The following PDLIM3 variants were observed in gnomAD, a reference collection of about 807,000 sequenced individuals.
The protein encoded by PDLIM3 is PDZ and LIM domain protein 3.
PDLIM3 carries 36 observed loss-of-function variants against 37.3 expected under a neutral mutation model. The observed-to-expected ratio is 0.97, with a 90% CI of 0.74 to 1.28. The LOEUF (loss-of-function observed/expected upper bound fraction) is 1.28, where lower values mean the gene tolerates loss of function less well. PDLIM3 is among the 50% of genes most tolerant of loss of function. The pLI is 0.00. For synonymous variants in PDLIM3, 174 were observed against 182.4 expected (o/e 0.95, Z 0.37); for missense variants, 454 against 485.0 (o/e 0.94, Z 0.60).
rs1225967138 is a variant in PDLIM3 at position 185,506,516 on chromosome 4, G to A, written c.793+6C>T. The A allele has an allele frequency of 6.2e-7, 1 of 1,613,480 alleles. No homozygotes were observed. The highest frequency in any genetic ancestry group is 2.2e-5 in the East Asian group (1 of 44,888). On this transcript the variant is annotated splice_donor_region_variant and intron_variant, in intron 6 of 7. Coordinates refer to ENST00000284767, the MANE Select transcript of PDLIM3 (RefSeq NM_014476.6). ...TACGTTTCAGCAGGTGTCAGCGGCT[G>A]CTCACCAGAGCCATCGTCCACCATT...
At position 185,501,960 on chromosome 4, in the gene PDLIM3, T is replaced by TA. The variant is rs2095687688; in HGVS notation, c.*333dup. 1 of 367,682 alleles carries TA rather than the reference T, an allele frequency of 2.7e-6. No individual in the cohort carries two copies. The highest frequency in any genetic ancestry group is 4.1e-5 in the Admixed American group (1 of 24,496). The allele number at this position is 367,682 out of a possible 1,614,324, so 22.8% of individuals were successfully genotyped here. On this transcript the variant is annotated 3_prime_UTR_variant, in exon 8 of 8. Coordinates refer to ENST00000284767, the MANE Select transcript of PDLIM3 (RefSeq NM_014476.6). ...AATCAACTTGTCAAGGAAAGACAATTAGAGTCCTTCAAATATCTTGATGTT... is the reference window on the plus strand; with the variant it reads ...AATCAACTTGTCAAGGAAAGACAATTAAGAGTCCTTCAAATATCTTGATGTT...
In PDLIM3 at chr4:185,504,355, C is replaced by T; in HGVS notation, c.905+120G>A. 1 of 778,508 alleles carries T rather than the reference C, an allele frequency of 1.3e-6. No homozygotes were observed. The highest frequency in any genetic ancestry group is 2.2e-6 in the Non-Finnish European group (1 of 455,234). The allele number at this position is 778,508 out of a possible 1,614,324, so 48.2% of individuals were successfully genotyped here. A position where few individuals can be genotyped will look rare whatever the true frequency, so the allele number is the denominator to read the frequency against. ...GCTAAATGTTGGGGACCTTACGTTTCAAGTTGATGAATAGAAATTTGGTTT... is the reference window on the plus strand; with the variant it reads ...GCTAAATGTTGGGGACCTTACGTTTTAAGTTGATGAATAGAAATTTGGTTT... On this transcript the variant is annotated intron_variant, in intron 7 of 7. Transcript: ENST00000284767. This position sits in a 1 kb window ranked among gnomAD's most constrained non-coding sequence, Gnocchi z 4.7.
intron 7 of PDLIM3, 74 bp from the exon 8 acceptor site, chr4:185,502,557 A>G: frequency 7.5e-7 from 1 of 1,340,328 alleles, no homozygotes; most frequent in Non-Finnish European, 1.1e-6. Flanking sequence ...AGAACCCAAC[A>G]GAGAAGGCAG....
intron 2 of PDLIM3, among the ~76,000 whole-genome samples, chr4:185,523,810 G>A (rs1455134851): frequency 6.6e-6 from 1 of 151,708 alleles, no homozygotes; most frequent in African/African-American, 2.4e-5. Flanking sequence ...GTAGAGACGG[G>A]GTTTCACCAG....
Position 185,504,147 on chromosome 4 carries a change from A to G in PDLIM3, c.905+328T>C, listed in dbSNP as rs6835288. 0.018 allele frequency among the ~76,000 whole-genome samples: 2,810 copies of G among 152,260 alleles called. 91 individuals are homozygous for G. Among genetic ancestry groups the G allele is most frequent in the African/African-American group, 0.064 (2,647 of 41,524 alleles). ...CAGTTCATGTATGCATTTACTAAAC[A>G]CTATACGTTAACAGGGGTGGGGGAG... On this transcript the variant is annotated intron_variant, in intron 7 of 7. Transcript: ENST00000284767. This position sits in a 1 kb window ranked among gnomAD's most constrained non-coding sequence, Gnocchi z 4.7.
At chr4:185,515,040 T>G (rs2095712880) in intron 3 of PDLIM3, 2 of 583,478 alleles carry the variant, frequency 3.4e-6, no homozygotes, top group East Asian at 5.8e-5. Context: ...CCATAAACTT[T>G]TCCATGGTTT....
chr4:185,505,034 C>T lies in PDLIM3; in HGVS notation c.794-448G>A, dbSNP rs537988766. Reference sequence around the variant, plus strand: ...CCCCACCCATGAAACAGTAACTCCCCGTGCTCCTGCTCATAGCCCCTGGTA... The same window carrying T: ...CCCCACCCATGAAACAGTAACTCCCTGTGCTCCTGCTCATAGCCCCTGGTA... On this transcript the variant is annotated intron_variant, in intron 6 of 7. Transcript: ENST00000284767. Among the ~76,000 whole-genome samples the T allele has an allele frequency of 2.0e-5, 3 of 150,548 alleles. No homozygotes were observed. The East Asian group carries it at 5.8e-4, about 29-fold the overall frequency.
intron 5 of PDLIM3, among the ~76,000 whole-genome samples, chr4:185,507,966 T>TGTAAA (rs2095700527): frequency 6.6e-6 from 1 of 152,132 alleles, no homozygotes; most frequent in South Asian, 2.1e-4. Flanking sequence ...ACCAGATATT[T>TGTAAA]GTAAAGTACA....
chr4:185,535,261 G>A, intron 1 of PDLIM3, 81 bp downstream of exon 1: 3 of 1,294,548 alleles, frequency 2.3e-6, no homozygotes, highest in Non-Finnish European at 3.2e-6. Flanking sequence ...GGCCGCCCTC[G>A]GCCCCGGGGC....
chr4:185,513,856 C>CTCCT (rs1396030601), intron 4 of PDLIM3: 2 of 1,124,054 alleles, frequency 1.8e-6, no homozygotes, highest in Non-Finnish European at 2.2e-6. Context: ...GAAGAGCTTG[C>CTCCT]TCCTTATCAT....
At chr4:185,507,801 A>G (rs1251718945) in intron 5 of PDLIM3, among the ~76,000 whole-genome samples, 1 of 152,172 alleles carries the variant, frequency 6.6e-6, no homozygotes, top group East Asian at 1.9e-4. Context: ...AACATTGTAA[A>G]TGAGTAAATA....
At chr4:185,519,316 T>C (rs1293301486) in intron 3 of PDLIM3, among the ~76,000 whole-genome samples, 1 of 152,180 alleles carries the variant, frequency 6.6e-6, no homozygotes, top group Non-Finnish European at 1.5e-5. Flanking sequence ...GACGGAGTCT[T>C]ACTCTGTTGC....
Position 185,504,585 on chromosome 4 carries a change from A to T in PDLIM3, c.795T>A (p.Asp265Glu). ...CACTCCGCGTTCCAGCCGGACGGTC[A>T]TCTGAAAAACAAAGCGTTTCCATTT... Reference protein sequence around the residue: ...VLQGMVDDGSDDRPAGTRSVR... With the variant: ...VLQGMVDDGSEDRPAGTRSVR... The change falls in exon 7 of 8, where the codon GAT (aspartate) becomes GAA (glutamate). Residue 265 changes from aspartate to glutamate, a missense_variant and splice_region_variant. By Grantham distance (45) the Asp-to-Glu change is conservative. Coordinates refer to ENST00000284767, the MANE Select transcript of PDLIM3 (RefSeq NM_014476.6). This position sits in a 1 kb window ranked among gnomAD's most constrained non-coding sequence, Gnocchi z 4.7. The T allele has an allele frequency of 6.2e-7, 1 of 1,613,464 alleles. No homozygotes were observed. Among genetic ancestry groups the T allele is most frequent in the South Asian group, 1.1e-5 (1 of 91,008 alleles).
At chr4:185,505,574 T>C (rs2095695297) in intron 6 of PDLIM3, among the ~76,000 whole-genome samples, 1 of 151,650 alleles carries the variant, frequency 6.6e-6, no homozygotes, top group Non-Finnish European at 1.5e-5. Context: ...TGAGCCAAGA[T>C]TGTGCCACTC....
rs145753701 is a variant in PDLIM3, at chr4:185,521,188, T to C, written c.330+2174A>G. On this transcript the variant is annotated intron_variant, in intron 3 of 7. Transcript: ENST00000284767. Reference sequence around the variant, plus strand: ...CTCTACCTCAAGAACTTTCCTTTTTTCTTCCACTATTTTCTTCTAGCAAAG... The same window carrying C: ...CTCTACCTCAAGAACTTTCCTTTTTCCTTCCACTATTTTCTTCTAGCAAAG... Among the ~76,000 whole-genome samples, 99 of 66,052 alleles carry C rather than the reference T, an allele frequency of 1.5e-3. 25 individuals carry two copies. The highest frequency in any genetic ancestry group is 2.4e-3 in the African/African-American group (88 of 36,280). 43.3% of individuals were successfully genotyped at this position (66,052 alleles called of 152,430 possible). A position where few individuals can be genotyped will look rare whatever the true frequency, so the allele number is the denominator to read the frequency against.
intron 1 of PDLIM3, among the ~76,000 whole-genome samples, chr4:185,534,918 C>G (rs1014027552): frequency 2.6e-5 from 4 of 152,206 alleles, no homozygotes; most frequent in African/African-American, 9.6e-5. Context: ...CAGGGAATGC[C>G]GGGGGGTGCC....
chr4:185,535,214 C>T (rs779818038), intron 1 of PDLIM3, 128 bp downstream of exon 1: 8 of 776,196 alleles, frequency 1.0e-5, no homozygotes, highest in Admixed American at 2.6e-5. Context: ...GCCCGGGAGC[C>T]AGCAGCGCCC....
chr4:185,509,508 T>C (rs1046484198), intron 4 of PDLIM3, among the ~76,000 whole-genome samples: 2 of 152,156 alleles, frequency 1.3e-5, no homozygotes, highest in Admixed American at 1.3e-4. Context: ...GTACATTCTA[T>C]TTGGAAACTG....
intron 6 of PDLIM3, among the ~76,000 whole-genome samples, chr4:185,505,416 G>A (rs1047525412): frequency 4.6e-5 from 7 of 152,194 alleles, no homozygotes; most frequent in Admixed American, 2.6e-4. Flanking sequence ...GAGGTCAGGA[G>A]TTCGAGACCA....
Sources: gnomAD v4.1 joint callset for allele counts (sites outside exome capture counted in the v4.1 genomes callset) on GRCh38, gnomAD v4.1.1 for gene constraint, Gnocchi (gnomAD v3.1) non-coding constraint, MANE v1.5 for transcripts, NCBI Gene and HGNC (gene_info 2026-07-23, HGNC 2026-07-21) for gene names.